Variants in CEP72 observed in about 807,000 individuals in gnomAD.
CEP72 encodes centrosomal protein 72, also known as centrosomal protein of 72 kDa.
Under a neutral mutation model 65.7 loss-of-function variants are expected in CEP72, and 78 were observed. The observed-to-expected ratio is 1.19, with a 90% CI of 0.99 to 1.43. The LOEUF is 1.43. Ranked by LOEUF, CEP72 falls within the 40% of genes most tolerant of loss-of-function variation. The pLI is 0.00. For missense variants in CEP72, 914 were observed against 832.9 expected, an observed-to-expected ratio of 1.10 and a Z score of -1.20; for synonymous variants, 358 against 351.7, an observed-to-expected ratio of 1.02 and a Z score of -0.20.
chr5:640,968 T>C (rs1299639371), intron 9 of CEP72: 1 of 985,330 alleles, frequency 1.0e-6, no homozygotes, highest in East Asian at 1.1e-4. Flanking sequence ...TCTCCTTTTA[T>C]GAAGGAGATG....
At chr5:612,740 T>C (rs1735755380) in intron 1 of CEP72, 1 of 690,204 alleles carries the variant, frequency 1.4e-6, no homozygotes, top group Non-Finnish European at 1.8e-6. Context: ...CCGGCCTTGC[T>C]GTCCAGGAGC....
chr5:643,223 G>A (rs1315208477), intron 9 of CEP72: 4 of 985,410 alleles, frequency 4.1e-6, no homozygotes, highest in Non-Finnish European at 4.8e-6. Flanking sequence ...AAATGAAAAA[G>A]AGCTGGGAGC....
rs1296642108 is a variant in CEP72, at chr5:632,123, T to C, written c.513-1646T>C. 3.2e-5 allele frequency among the ~76,000 whole-genome samples: 2 copies of C among 62,418 alleles called. 1 individual carries two copies. Among genetic ancestry groups the C allele is most frequent in the Non-Finnish European group, 6.6e-5 (2 of 30,100 alleles). 40.9% of individuals were successfully genotyped at this position (62,418 alleles called of 152,430 possible). Reference sequence around the variant, plus strand: ...GTGCCGGGATTTAGACCAGTCCTGGTGGGGTTCTGTCCAGCGCCGGGATTT... The same window carrying C: ...GTGCCGGGATTTAGACCAGTCCTGGCGGGGTTCTGTCCAGCGCCGGGATTT... On this transcript the variant is annotated intron_variant, in intron 4 of 11. Transcript: ENST00000264935.
chr5:671,549 C>T (rs1426772773), downstream of CEP72, among the ~76,000 whole-genome samples: 3 of 152,230 alleles, frequency 2.0e-5, no homozygotes, highest in Admixed American at 6.5e-5. Context: ...GCCACGCCCA[C>T]CACTGGCCAA....
At chr5:633,477 C>T (rs1359201633) in intron 4 of CEP72, among the ~76,000 whole-genome samples, 2 of 151,622 alleles carry the variant, frequency 1.3e-5, no homozygotes, top group Non-Finnish European at 2.9e-5. Flanking sequence ...GGGTTTGGCC[C>T]AGTCCTGGTG....
chr5:649,606 C>T (rs568645088), intron 11 of CEP72, among the ~76,000 whole-genome samples: 3 of 77,362 alleles, frequency 3.9e-5, no homozygotes, highest in African/African-American at 5.2e-5. Flanking sequence ...GACTGTGAGG[C>T]GTGGACTGTG....
intron 7 of CEP72, 88 bp from the exon 8 acceptor site, chr5:639,001 G>A (rs1210961556): frequency 1.2e-5 from 18 of 1,546,042 alleles, no homozygotes; most frequent in Non-Finnish European, 1.5e-5. Context: ...CGTGGTGCGA[G>A]GGCATCCCAG....
At chr5:615,185 G>GAGTGC (rs1408191941) in intron 1 of CEP72, among the ~76,000 whole-genome samples, 1 of 143,220 alleles carries the variant, frequency 7.0e-6, no homozygotes, top group Non-Finnish European at 1.5e-5. Flanking sequence ...CCCCAGGCTG[G>GAGTGC]AGTGCAGTGG....
chr5:619,246 A>G (rs145219701), intron 2 of CEP72, 129 bp downstream of exon 2: 3 of 818,216 alleles, frequency 3.7e-6, no homozygotes, highest in East Asian at 2.5e-5. Context: ...TGTGTTGCGT[A>G]TTTTTGTGTT....
intron 4 of CEP72, among the ~76,000 whole-genome samples, chr5:627,514 A>C (rs887584828): frequency 6.6e-6 from 1 of 152,178 alleles, no homozygotes; most frequent in Non-Finnish European, 1.5e-5. Context: ...CACTGTCTGT[A>C]CTGAAAACTG....
At chr5:635,269 C>A in intron 5 of CEP72, 103 bp from the exon 6 acceptor site, 1 of 871,858 alleles carries the variant, frequency 1.1e-6, no homozygotes, top group Non-Finnish European at 1.8e-6. Context: ...ACCCCTCGGT[C>A]TAACAGATAC....
intron 3 of CEP72, chr5:665,938 C>CCCCCCCCCCCCAACAA: frequency 1.5e-6 from 2 of 1,366,606 alleles, no homozygotes; most frequent in Non-Finnish European, 1.9e-6. Flanking sequence ...CCACCCCCTC[C>CCCCCCCCCCCCAACAA]AGGCCCCGCC....
rs1404046357 is a variant in CEP72 at position 653,066 on chromosome 5, G to C, written c.1857G>C (p.Gln619His). The C allele has an allele frequency of 6.2e-7, 1 of 1,613,928 alleles. No homozygotes were observed. The stretch of plus-strand genomic sequence containing the variant: ...CGCAGCACAGAGCCGAGGTGGAGCA[G>C]ATGCACTGGAGCTACCAGGAGCTCA... ...VRAQHRAEVE[Q>H]MHWSYQELKK... Residue 619 changes from glutamine to histidine, a missense_variant, in exon 12 of 12, where the codon CAG becomes CAC. Physicochemically the swap from Gln to His is conservative, Grantham distance 24 (BLOSUM62 0). Coordinates refer to ENST00000264935, the MANE Select transcript of CEP72 (RefSeq NM_018140.4).
At chr5:619,994 G>A (rs1736278057) in intron 2 of CEP72, 75 bp from the exon 3 acceptor site, 1 of 1,215,788 alleles carries the variant, frequency 8.2e-7, no homozygotes, top group Non-Finnish European at 1.2e-6. Context: ...GTTGGTCAGT[G>A]TGTGTTGCTG....
intron 8 of CEP72, 111 bp downstream of exon 8, chr5:639,335 C>G: frequency 7.8e-7 from 1 of 1,286,054 alleles, no homozygotes; most frequent in Non-Finnish European, 1.1e-6. Flanking sequence ...CTCCTATGTC[C>G]CCTCCCACGA....
At chr5:648,472 G>A (rs1461882071) in intron 11 of CEP72, among the ~76,000 whole-genome samples, 1 of 134,982 alleles carries the variant, frequency 7.4e-6, no homozygotes, top group Non-Finnish European at 1.6e-5. Flanking sequence ...TGTGAGGTGT[G>A]ACTGTGAGGT....
downstream of CEP72, among the ~76,000 whole-genome samples, chr5:669,697 C>T (rs1740130069): frequency 6.6e-6 from 1 of 152,096 alleles, no homozygotes; most frequent in Non-Finnish European, 1.5e-5. Context: ...TCAGAGGCGA[C>T]ATTCAGATCC....
intron 4 of CEP72, among the ~76,000 whole-genome samples, chr5:626,290 G>A (rs1245230823): frequency 6.6e-6 from 1 of 152,072 alleles, no homozygotes; most frequent in Non-Finnish European, 1.5e-5. Context: ...GTGAGAGGGA[G>A]CATCCTAGCC....
downstream of CEP72, among the ~76,000 whole-genome samples, chr5:653,772 CTT>C (rs1282482084): frequency 3.3e-5 from 5 of 152,306 alleles, no homozygotes; most frequent in East Asian, 1.9e-4. Flanking sequence ...GGCTCGCTCT[CTT>C]GTTTGCAGTG....
Sources: allele counts gnomAD v4.1 joint callset (sites outside exome capture counted in the v4.1 genomes callset), GRCh38; gene constraint gnomAD v4.1.1; transcripts MANE v1.5; gene names NCBI Gene and HGNC (gene_info 2026-07-23, HGNC 2026-07-21).